GMPR: variants seen among roughly 807,000 people sequenced by gnomAD.
GMPR encodes the protein GMP reductase 1.
GMPR carries 31 observed loss-of-function variants against 38.4 expected under a neutral mutation model. The ratio of observed to expected loss-of-function variants is 0.81; its 90% CI spans 0.61 to 1.09. The LOEUF (loss-of-function observed/expected upper bound fraction) is 1.09, where lower values mean the gene tolerates loss of function less well. Ranked by LOEUF, GMPR falls within the 50% of genes least tolerant of loss-of-function variation. GMPR has a pLI of 0.00. For missense variants in GMPR, 468 were observed against 453.7 expected (o/e 1.03, Z -0.29); for synonymous variants, 162 against 173.3 (o/e 0.93, Z 0.51).
intron 4 of GMPR, among the ~76,000 whole-genome samples, chr6:16,270,036 C>T (rs1001666521): frequency 3.3e-5 from 5 of 152,206 alleles, no homozygotes; most frequent in Non-Finnish European, 7.4e-5. Flanking sequence ...TCCCCAAATC[C>T]CCACCTGCTA....
chr6:16,263,891 CCCT>C (rs1234190503), intron 4 of GMPR, among the ~76,000 whole-genome samples: 3 of 150,060 alleles, frequency 2.0e-5, no homozygotes, highest in Non-Finnish European at 4.5e-5. Flanking sequence ...GGGTACATGC[CCCT>C]CCTCTAGAAA....
chr6:16,290,295 T>G (rs1030083876), intron 7 of GMPR, 167 bp from the exon 8 acceptor site: 16 of 680,096 alleles, frequency 2.4e-5, no homozygotes, highest in Non-Finnish European at 2.9e-5. Context: ...CATGGAAGCC[T>G]TCTCCCTTTT....
chr6:16,273,175 C>T (rs866955365), intron 4 of GMPR, among the ~76,000 whole-genome samples: 7 of 152,300 alleles, frequency 4.6e-5, no homozygotes, highest in Middle Eastern at 6.8e-3. Flanking sequence ...ATCACCTTTT[C>T]CCCACATCCT....
At chr6:16,291,213 T>A (rs1055467052) in intron 8 of GMPR, among the ~76,000 whole-genome samples, 1 of 151,756 alleles carries the variant, frequency 6.6e-6, no homozygotes, top group Non-Finnish European at 1.5e-5. Flanking sequence ...GATGTGTGTT[T>A]ATTTTTTATT....
At chr6:16,273,686 T>G (rs1454112227) in intron 4 of GMPR, among the ~76,000 whole-genome samples, 1 of 152,198 alleles carries the variant, frequency 6.6e-6, no homozygotes, top group Non-Finnish European at 1.5e-5. Context: ...TCTGACTCTC[T>G]GGGGTTCCAT....
intron 4 of GMPR, among the ~76,000 whole-genome samples, chr6:16,267,261 A>T (rs1759270476): frequency 6.6e-6 from 1 of 151,980 alleles, no homozygotes; most frequent in South Asian, 2.1e-4. Context: ...AGTCCCAGCT[A>T]CTCGGGAGGC....
chr6:16,275,212 A>G (rs965854235), intron 5 of GMPR, among the ~76,000 whole-genome samples: 1 of 152,204 alleles, frequency 6.6e-6, no homozygotes, highest in Non-Finnish European at 1.5e-5. Context: ...ACCAGACACT[A>G]AAATTGAGGA....
At chr6:16,263,774 T>C (rs563099063) in intron 4 of GMPR, among the ~76,000 whole-genome samples, 16 of 113,752 alleles carry the variant, frequency 1.4e-4, no homozygotes, top group East Asian at 7.5e-4. Context: ...AAATAAGGGA[T>C]TGGGGTGCAG....
chr6:16,274,208 T>C (rs185482048), intron 4 of GMPR, among the ~76,000 whole-genome samples: 9 of 152,332 alleles, frequency 5.9e-5, no homozygotes, highest in Admixed American at 5.2e-4. Flanking sequence ...TTAAATCATA[T>C]AATGCTGTAT....
intron 1 of GMPR, among the ~76,000 whole-genome samples, chr6:16,242,385 G>A (rs1758667854): frequency 6.8e-6 from 1 of 147,476 alleles, no homozygotes; most frequent in African/African-American, 2.5e-5. Flanking sequence ...TGGGGCTGCT[G>A]TAACTGAGGA....
chr6:16,273,716 T>C (rs958356927), intron 4 of GMPR, among the ~76,000 whole-genome samples: 4 of 152,184 alleles, frequency 2.6e-5, no homozygotes, highest in Non-Finnish European at 5.9e-5. Context: ...TCAGGGGCTT[T>C]GCAAACTGTG....
intron 4 of GMPR, among the ~76,000 whole-genome samples, chr6:16,256,760 A>G (rs998689000): frequency 6.6e-6 from 1 of 152,168 alleles, no homozygotes; most frequent in East Asian, 1.9e-4. Context: ...CCTTGTAGAT[A>G]AGGGTGCTAA....
intron 8 of GMPR, among the ~76,000 whole-genome samples, chr6:16,291,474 TC>T (rs757599328): frequency 1.3e-5 from 2 of 152,134 alleles, no homozygotes; most frequent in Admixed American, 1.3e-4. Flanking sequence ...TCCACCCACC[TC>T]GACCTCCCAA....
At position 16,254,623 on chromosome 6, in the gene GMPR, A is replaced by G; in HGVS notation, c.353A>G (p.Glu118Gly). The change falls in exon 4 of 9, where the codon GAA becomes GGA. Residue 118 changes from glutamate (E) to glycine (G), a missense_variant. Transcript: ENST00000259727. ...CTGGAAAAGATGACCAGCATCCTGG[A>G]AGCTGTGCCACAGGTTAAGTTTATT... is the stretch of plus-strand genomic sequence containing the variant. The part of the protein sequence containing the change: ...NDLEKMTSIL[E>G]AVPQVKFICL... The G allele has an allele frequency of 1.2e-6, 2 of 1,613,748 alleles. No homozygotes were observed. Among genetic ancestry groups the G allele is most frequent in the East Asian group, 4.5e-5 (2 of 44,882 alleles).
chr6:16,241,844 C>T (rs1758654022), intron 1 of GMPR, among the ~76,000 whole-genome samples: 1 of 152,026 alleles, frequency 6.6e-6, no homozygotes, highest in African/African-American at 2.4e-5. Context: ...TGGGTTCAAG[C>T]GATTCTCCTT....
chr6:16,253,455 G>C (rs530328135), intron 3 of GMPR, among the ~76,000 whole-genome samples: 1 of 152,316 alleles, frequency 6.6e-6, no homozygotes, highest in African/African-American at 2.4e-5. Context: ...CATGGTGGAA[G>C]GCGAAGTGGG....
chr6:16,278,209 AG>A, intron 5 of GMPR, among the ~76,000 whole-genome samples: 2 of 152,072 alleles, frequency 1.3e-5, no homozygotes, highest in Middle Eastern at 6.8e-3. Flanking sequence ...GAGGGTATGG[AG>A]GGTGTCGTGC....
At chr6:16,265,804 C>T (rs1268876710) in intron 4 of GMPR, among the ~76,000 whole-genome samples, 1 of 152,252 alleles carries the variant, frequency 6.6e-6, no homozygotes, top group African/African-American at 2.4e-5. Context: ...GGATAACCCA[C>T]TCCGGAACCC....
At chr6:16,286,563 T>C (rs1245736477) in intron 7 of GMPR, among the ~76,000 whole-genome samples, 1 of 150,778 alleles carries the variant, frequency 6.6e-6, no homozygotes, top group East Asian at 1.9e-4. Flanking sequence ...AAAAAAATGG[T>C]GGCAGGAAAC....
Sources: allele counts gnomAD v4.1 joint callset (sites outside exome capture counted in the v4.1 genomes callset), GRCh38; gene constraint gnomAD v4.1.1; transcripts MANE v1.5; gene names NCBI Gene and HGNC (gene_info 2026-07-23, HGNC 2026-07-21).